The following HYAL4 variants were observed in gnomAD, a reference collection of about 807,000 sequenced individuals.
HYAL4 encodes hyaluronidase-4.
A neutral mutation model predicts 35.2 loss-of-function variants in HYAL4; 37 were observed. The ratio of observed to expected loss-of-function variants is 1.05; its 90% CI spans 0.81 to 1.38. The LOEUF (loss-of-function observed/expected upper bound fraction) is 1.38. Ranked by LOEUF, HYAL4 falls within the 40% of genes most tolerant of loss-of-function variation. The pLI, the probability that HYAL4 is intolerant of heterozygous loss-of-function variation, is 0.00. For synonymous variants in HYAL4, 198 were observed against 203.2 expected (o/e 0.97, Z 0.22); for missense variants, 572 against 572.4 (o/e 1.00, Z 0.01).
the HYAL4 span, among the ~76,000 whole-genome samples, chr7:123,796,970 C>CA: frequency 2.7e-5 from 4 of 150,686 alleles, no homozygotes; most frequent in South Asian, 2.1e-4. Flanking sequence ...AACAAGATCT[C>CA]AAAAAAAAAG....
At chr7:123,806,646 T>A in the HYAL4 span, among the ~76,000 whole-genome samples, 1 of 151,888 alleles carries the variant, frequency 6.6e-6, no homozygotes, top group Non-Finnish European at 1.5e-5. Flanking sequence ...GAGATGGGAT[T>A]TCTCCATGTT....
chr7:123,811,772 C>T, the HYAL4 span, among the ~76,000 whole-genome samples: 1 of 152,054 alleles, frequency 6.6e-6, no homozygotes, highest in East Asian at 1.9e-4. Context: ...TCTAAATTTT[C>T]TCCTATATTA....
chr7:123,771,548 A>G, the HYAL4 span, among the ~76,000 whole-genome samples: 7 of 152,174 alleles, frequency 4.6e-5, no homozygotes, highest in Admixed American at 1.3e-4. Flanking sequence ...GCAACCTTAT[A>G]TATTTTTTCC....
At chr7:123,764,590 GGAAA>G in the HYAL4 span, among the ~76,000 whole-genome samples, 1 of 152,184 alleles carries the variant, frequency 6.6e-6, no homozygotes, top group African/African-American at 2.4e-5. Flanking sequence ...GGAGAAGGGA[GGAAA>G]GAAAGGAATG....
At chr7:123,807,862 G>A in the HYAL4 span, among the ~76,000 whole-genome samples, 2 of 151,030 alleles carry the variant, frequency 1.3e-5, no homozygotes, top group African/African-American at 4.8e-5. Flanking sequence ...CTTCTGAGTA[G>A]CTAAGACTTC....
At chr7:123,835,129 A>G (rs780152595) in intron 1 of HYAL4, among the ~76,000 whole-genome samples, 2 of 151,930 alleles carry the variant, frequency 1.3e-5, no homozygotes, top group Non-Finnish European at 1.5e-5. Flanking sequence ...CTCTTTCTCT[A>G]TCTTGTGGAA....
intron 3 of HYAL4, among the ~76,000 whole-genome samples, chr7:123,870,934 TCTGAGGGACAAAAC>T (rs1371031556): frequency 1.3e-5 from 2 of 152,088 alleles, no homozygotes; most frequent in African/African-American, 2.4e-5. Flanking sequence ...AACAATAAAC[TCTGAGGGACAAAAC>T]GTTCATTTCA....
At chr7:123,773,851 C>T in the HYAL4 span, among the ~76,000 whole-genome samples, 1 of 152,160 alleles carries the variant, frequency 6.6e-6, no homozygotes, top group Non-Finnish European at 1.5e-5. Flanking sequence ...CCTCAAATTT[C>T]CTGCTTCTTA....
chr7:123,803,127 A>G, the HYAL4 span, among the ~76,000 whole-genome samples: 1 of 152,238 alleles, frequency 6.6e-6, no homozygotes, highest in Non-Finnish European at 1.5e-5. Context: ...GGGAGAGATA[A>G]AGAGGCCACA....
intron 3 of HYAL4, 105 bp downstream of exon 3, chr7:123,869,332 G>A (rs1584926536): frequency 7.6e-6 from 6 of 790,658 alleles, no homozygotes; most frequent in South Asian, 3.9e-5. Context: ...TTAATGGTTT[G>A]TTATATGGGA....
chr7:123,833,942 A>G (rs1047140914), intron 1 of HYAL4, among the ~76,000 whole-genome samples: 31 of 152,094 alleles, frequency 2.0e-4, no homozygotes, highest in African/African-American at 7.0e-4. Context: ...TGATTGGTCT[A>G]TGTGCCTATT....
the HYAL4 span, among the ~76,000 whole-genome samples, chr7:123,810,313 GACA>G: frequency 6.6e-6 from 1 of 151,276 alleles, no homozygotes; most frequent in South Asian, 2.1e-4. Context: ...AAAGTTGAAA[GACA>G]ACAAGAAACT....
At chr7:123,874,906 C>T (rs966727469) in intron 4 of HYAL4, 56 bp downstream of exon 4, 73 of 1,052,426 alleles carry the variant, frequency 6.9e-5, no homozygotes, top group Middle Eastern at 2.2e-4. Flanking sequence ...TATTTCTCTG[C>T]TTTCTTGGAG....
intron 3 of HYAL4, among the ~76,000 whole-genome samples, chr7:123,872,589 T>G (rs1806913210): frequency 6.6e-6 from 1 of 152,226 alleles, no homozygotes; most frequent in South Asian, 2.1e-4. Flanking sequence ...CAAAGCACCC[T>G]GTGCCACACT....
the HYAL4 span, among the ~76,000 whole-genome samples, chr7:123,802,186 A>T: frequency 6.6e-6 from 1 of 152,186 alleles, no homozygotes; most frequent in South Asian, 2.1e-4. Flanking sequence ...AGTTTCTGAT[A>T]TTATATAAAA....
chr7:123,876,004 G>A (rs1807013011), intron 4 of HYAL4: 2 of 456,488 alleles, frequency 4.4e-6, no homozygotes, highest in Non-Finnish European at 8.8e-6. Context: ...GAAACTGAGA[G>A]GATTAATTCC....
the HYAL4 span, among the ~76,000 whole-genome samples, chr7:123,818,850 A>G: frequency 6.6e-6 from 1 of 152,296 alleles, no homozygotes; most frequent in Middle Eastern, 3.4e-3. Flanking sequence ...ATCATATACA[A>G]CATAATGTTT....
intron 1 of HYAL4, among the ~76,000 whole-genome samples, chr7:123,837,989 G>A (rs540206312): frequency 4.6e-5 from 7 of 152,142 alleles, no homozygotes; most frequent in Admixed American, 3.9e-4. Flanking sequence ...ACATGTGCAT[G>A]TGTCTTTATA....
At chr7:123,770,602 G>A in the HYAL4 span, among the ~76,000 whole-genome samples, 143 of 152,124 alleles carry the variant, frequency 9.4e-4, no homozygotes, top group African/African-American at 3.3e-3. Context: ...AGAGCAGGGC[G>A]TAATCACACA....
Sources: gnomAD v4.1 joint callset for allele counts (sites outside exome capture counted in the v4.1 genomes callset) on GRCh38, gnomAD v4.1.1 for gene constraint, MANE v1.5 for transcripts, NCBI Gene and HGNC (gene_info 2026-07-23, HGNC 2026-07-21) for gene names.